TENM1: variants seen among roughly 807,000 people sequenced by gnomAD.
The protein encoded by TENM1 is teneurin transmembrane protein 1.
A neutral mutation model predicts 174.8 loss-of-function variants in TENM1; 35 were observed. The ratio of observed to expected loss-of-function variants is 0.20; its 90% CI spans 0.15 to 0.27. The LOEUF is 0.27. TENM1 is among the 10% of genes least tolerant of loss of function. The pLI is 1.00. For synonymous variants in TENM1, 781 were observed against 798.7 expected (o/e 0.98, Z 0.37); for missense variants, 1,633 against 2,130.1 (o/e 0.77, Z 4.59).
At position 124,518,023 on chromosome X, in the gene TENM1, G is replaced by A. The variant is rs150133684; in HGVS notation, c.3301+2494C>T. Among the ~76,000 whole-genome samples the A allele has an allele frequency of 6.3e-3, 698 of 110,217 alleles. 5 individuals are homozygous for A. Among genetic ancestry groups the A allele is most frequent in the African/African-American group, 0.022 (657 of 30,244 alleles). On this transcript the variant is annotated intron_variant, in intron 18 of 31. Transcript: ENST00000422452. Reference sequence around the variant, plus strand: ...TGTAAATGTTCACCGCAGAGAGTTCGAATTAAGGCATGGGCAGAGTTAAGA... The same window carrying A: ...TGTAAATGTTCACCGCAGAGAGTTCAAATTAAGGCATGGGCAGAGTTAAGA...
chrX:125,113,084 C>T, the TENM1 span, among the ~76,000 whole-genome samples: 2 of 111,170 alleles, frequency 1.8e-5, no homozygotes, highest in Admixed American at 9.6e-5. Flanking sequence ...ATATATCCAC[C>T]TGTATATGGT....
chrX:124,539,575 C>T (rs1259498048), intron 15 of TENM1, among the ~76,000 whole-genome samples: 1 of 111,494 alleles, frequency 9.0e-6, no homozygotes, highest in Non-Finnish European at 1.9e-5. Flanking sequence ...TAGGGATTGT[C>T]TTGAAAGAAA....
At chrX:124,679,540 C>A (rs1014435564) in intron 5 of TENM1, among the ~76,000 whole-genome samples, 1 of 112,051 alleles carries the variant, frequency 8.9e-6, no homozygotes, top group African/African-American at 3.2e-5. Flanking sequence ...ATAAATGCTA[C>A]TTGAATTAAA....
intron 25 of TENM1, among the ~76,000 whole-genome samples, chrX:124,417,121 T>G (rs1174361508): frequency 6.2e-5 from 7 of 112,405 alleles, no homozygotes; most frequent in Non-Finnish European, 1.1e-4. Context: ...TTCCAGGACA[T>G]TCCACTCTCC....
At position 124,899,951 on chromosome X, in the gene TENM1, G is replaced by A. The variant is rs186329307; in HGVS notation, c.218-3710C>T. 2.0e-4 allele frequency among the ~76,000 whole-genome samples: 22 copies of A among 112,427 alleles called. No individual in the cohort carries two copies. The East Asian group carries it at 6.1e-3, about 31-fold the overall frequency. On this transcript the variant is annotated intron_variant, in intron 1 of 31. Coordinates refer to ENST00000422452, the Ensembl canonical transcript of TENM1. ...ATTGCAATTCTCATACACTGGTGGT[G>A]AGAAAGTAAAACTGTGCAACCACAT...
intron 1 of TENM1, among the ~76,000 whole-genome samples, chrX:124,953,653 G>A (rs2058525804): frequency 9.0e-6 from 1 of 111,383 alleles, no homozygotes; most frequent in South Asian, 3.7e-4. Flanking sequence ...TTAAAAGGAG[G>A]AACAAAATTA....
At position 124,470,837 on chromosome X, in the gene TENM1, G is replaced by T. The variant is rs978375326; in HGVS notation, c.3949+10895C>A. ...GAGAGCTGTCATCTATGAAAACAGAGAGCTGAGTCCTCAGAAATCGGGCCA... is the reference window on the plus strand; with the variant it reads ...GAGAGCTGTCATCTATGAAAACAGATAGCTGAGTCCTCAGAAATCGGGCCA... On this transcript the variant is annotated intron_variant, in intron 22 of 31. Transcript: ENST00000422452. Among the ~76,000 whole-genome samples, 6 of 109,060 alleles carry T rather than the reference G, an allele frequency of 5.5e-5. No individual in the cohort carries two copies. The East Asian group carries it at 1.1e-3, about 21-fold the overall frequency. 94.7% of individuals were successfully genotyped at this position (109,060 alleles called of 115,157 possible).
intron 5 of TENM1, among the ~76,000 whole-genome samples, chrX:124,685,051 T>A (rs1484517212): frequency 1.8e-5 from 2 of 110,588 alleles, no homozygotes; most frequent in African/African-American, 6.6e-5. Flanking sequence ...GTGAAGCCAG[T>A]CTTTAATGAC....
the TENM1 span, among the ~76,000 whole-genome samples, chrX:125,161,064 A>G: frequency 1.3e-4 from 14 of 108,452 alleles, no homozygotes; most frequent in African/African-American, 3.7e-4. Context: ...AAAAAAAACA[A>G]AACCCAAATG....
intron 3 of TENM1, among the ~76,000 whole-genome samples, chrX:124,812,916 G>T (rs1265549188): frequency 9.1e-6 from 1 of 110,214 alleles, no homozygotes. Context: ...TTGATTAACA[G>T]GTATAGCTTG....
intron 4 of TENM1, among the ~76,000 whole-genome samples, chrX:124,709,532 G>A (rs897408705): frequency 4.6e-5 from 5 of 108,935 alleles, no homozygotes; most frequent in African/African-American, 6.7e-5. Context: ...GAAGGGACCC[G>A]CAGAAATCAT....
At chrX:125,082,158 AT>A in the TENM1 span, among the ~76,000 whole-genome samples, 53 of 111,148 alleles carry the variant, frequency 4.8e-4, no homozygotes, top group African/African-American at 1.7e-3. Context: ...GTTTATATAA[AT>A]AAAAAATAAA....
In TENM1 at chrX:124,757,923, C is replaced by A. The variant is rs1170778130; in HGVS notation, c.536-20726G>T. Among the ~76,000 whole-genome samples the A allele has an allele frequency of 3.6e-5, 4 of 111,812 alleles. No homozygotes were observed. The South Asian group carries it at 1.1e-3, about 31-fold the overall frequency. On this transcript the variant is annotated intron_variant, in intron 3 of 31. Coordinates refer to ENST00000422452, the Ensembl canonical transcript of TENM1. Reference sequence around the variant, plus strand: ...CAAACAAACAAAAGCATTCGAATTCCCTAAACATTTTAACAGAAGTTTGTT... The same window carrying A: ...CAAACAAACAAAAGCATTCGAATTCACTAAACATTTTAACAGAAGTTTGTT...
chrX:124,849,691 A>G (rs1041324474), intron 3 of TENM1, among the ~76,000 whole-genome samples: 4 of 111,636 alleles, frequency 3.6e-5, no homozygotes, highest in African/African-American at 1.3e-4. Context: ...GACCCAGTAG[A>G]TGTGTCCAGA....
chrX:124,643,008 T>C (rs2051057933), intron 10 of TENM1, among the ~76,000 whole-genome samples: 2 of 111,664 alleles, frequency 1.8e-5, no homozygotes, highest in African/African-American at 6.5e-5. Context: ...ACTATTATAA[T>C]TGGTGTTATT....
the TENM1 span, among the ~76,000 whole-genome samples, chrX:125,028,844 A>G: frequency 8.9e-6 from 1 of 111,736 alleles, no homozygotes; most frequent in Non-Finnish European, 1.9e-5. Context: ...TGGGGGGGAC[A>G]TAAGAAGTTT....
intron 14 of TENM1, 22 bp downstream of exon 17, chrX:124,561,649 G>T (rs1176577312): frequency 1.7e-6 from 2 of 1,209,146 alleles, no homozygotes; most frequent in African/African-American, 1.7e-5. Context: ...TTTCTTACGT[G>T]AACATTTTAT....
At chrX:124,563,585 G>A (rs1422926687) in intron 13 of TENM1, among the ~76,000 whole-genome samples, 164 bp downstream of exon 16, 2 of 110,111 alleles carry the variant, frequency 1.8e-5, no homozygotes, top group Non-Finnish European at 3.8e-5. Flanking sequence ...TTACCTTTTA[G>A]TGTGACTATT....
chrX:124,890,431 C>T (rs1465044434), intron 3 of TENM1, among the ~76,000 whole-genome samples: 1 of 111,954 alleles, frequency 8.9e-6, no homozygotes, highest in African/African-American at 3.2e-5. Context: ...AACTACCCAT[C>T]TGACAAGGGA....
Sources: allele counts gnomAD v4.1 joint callset (sites outside exome capture counted in the v4.1 genomes callset), GRCh38; gene constraint gnomAD v4.1.1; transcripts MANE v1.5; gene names NCBI Gene and HGNC (gene_info 2026-07-23, HGNC 2026-07-21).